Variants in LUZP2 observed in about 807,000 individuals in gnomAD.
The protein encoded by LUZP2 is leucine zipper protein 2.
A neutral mutation model predicts 51.6 loss-of-function variants in LUZP2; 52 were observed. The ratio of observed to expected loss-of-function variants is 1.01; its 90% CI spans 0.81 to 1.27. The LOEUF (loss-of-function observed/expected upper bound fraction) is 1.27. LUZP2 is among the 50% of genes most tolerant of loss of function. The pLI is 0.00. For missense variants in LUZP2, 436 were observed against 395.4 expected (o/e 1.10, Z -0.87); for synonymous variants, 154 against 137.3 (o/e 1.12, Z -0.85).
intron 9 of LUZP2, among the ~76,000 whole-genome samples, chr11:25,008,970 T>G (rs1471387563): frequency 6.6e-6 from 1 of 152,204 alleles, no homozygotes; most frequent in Non-Finnish European, 1.5e-5. Context: ...GGCTTTAAAT[T>G]GTCTTTGGCT....
At chr11:24,686,222 G>GC (rs1856892891) in intron 1 of LUZP2, among the ~76,000 whole-genome samples, 1 of 58,448 alleles carries the variant, frequency 1.7e-5, no homozygotes, top group Admixed American at 1.5e-4. Flanking sequence ...AGTGAACTCT[G>GC]CAAAAAAAAA....
intron 1 of LUZP2, among the ~76,000 whole-genome samples, chr11:24,553,691 A>C (rs549674212): frequency 2.1e-3 from 317 of 152,242 alleles, no homozygotes; most frequent in Middle Eastern, 6.8e-3. Context: ...GTTTTGTTAT[A>C]GACTAGAGAT....
intron 1 of LUZP2, among the ~76,000 whole-genome samples, chr11:24,539,728 T>A (rs1851296507): frequency 6.6e-6 from 1 of 152,054 alleles, no homozygotes; most frequent in South Asian, 2.1e-4. Context: ...CTACAATGCC[T>A]TTTAGCTGTT....
chr11:24,838,274 G>A (rs1175171453), intron 5 of LUZP2, among the ~76,000 whole-genome samples: 1 of 151,460 alleles, frequency 6.6e-6, no homozygotes. Context: ...ATGTTTTATG[G>A]CATCTAGTCT....
At position 24,556,392 on chromosome 11, in the gene LUZP2, A is replaced by C. The variant is rs12224064; in HGVS notation, c.62+59087A>C. On this transcript the variant is annotated intron_variant, in intron 1 of 11. Transcript: ENST00000336930. The stretch of plus-strand genomic sequence containing the variant: ...ATAGTTTCCCTCAAAGATCTGGTCC[A>C]GTGAGAGAATCTAGATTTACAAATA... Among the ~76,000 whole-genome samples, 18 of 152,314 alleles carry C rather than the reference A, an allele frequency of 1.2e-4. No homozygotes were observed. The East Asian group carries it at 2.9e-3, about 25-fold the overall frequency.
chr11:24,904,833 T>C (rs1305686111), intron 5 of LUZP2, among the ~76,000 whole-genome samples: 3 of 151,998 alleles, frequency 2.0e-5, no homozygotes, highest in Non-Finnish European at 1.5e-5. Flanking sequence ...TTAAATGGAC[T>C]AAAAAAAGAC....
chr11:24,986,097 A>G (rs1218488121), intron 9 of LUZP2, among the ~76,000 whole-genome samples: 1 of 151,706 alleles, frequency 6.6e-6, no homozygotes, highest in East Asian at 1.9e-4. Flanking sequence ...CTATTTTGCT[A>G]TTGCAAAAAA....
intron 1 of LUZP2, among the ~76,000 whole-genome samples, chr11:24,671,029 A>T (rs1156764119): frequency 6.6e-6 from 1 of 151,814 alleles, no homozygotes. Flanking sequence ...GTATATTTTT[A>T]TCCTAATGAG....
intron 5 of LUZP2, among the ~76,000 whole-genome samples, chr11:24,860,854 T>G (rs1851720511): frequency 6.6e-6 from 1 of 152,070 alleles, no homozygotes; most frequent in Admixed American, 6.6e-5. Context: ...TAAGACAGAA[T>G]CAATTTAAAA....
At chr11:25,034,009 C>G (rs1161504360) in intron 9 of LUZP2, among the ~76,000 whole-genome samples, 1 of 152,096 alleles carries the variant, frequency 6.6e-6, no homozygotes, top group Non-Finnish European at 1.5e-5. Context: ...CTCCAGACTC[C>G]TTTCCACAGC....
intron 5 of LUZP2, among the ~76,000 whole-genome samples, chr11:24,780,273 G>A (rs1849051220): frequency 6.6e-6 from 1 of 151,976 alleles, no homozygotes; most frequent in East Asian, 1.9e-4. Context: ...TTGACCATTG[G>A]ATAGAATTTA....
Position 24,705,599 on chromosome 11 carries a change from T to C in LUZP2, c.63-23570T>C, listed in dbSNP as rs561404527. ...AGCAATTTGGTGGCAGAAGATGACA[T>C]GTGAATTTCCCAGGCTTCAGAACAG... On this transcript the variant is annotated intron_variant, in intron 1 of 11. Transcript: ENST00000336930. Among the ~76,000 whole-genome samples the C allele has an allele frequency of 3.9e-5, 6 of 152,272 alleles. No individual in the cohort carries two copies. In the South Asian group the frequency reaches 1.0e-3, roughly 26 times the overall value.
chr11:24,675,819 A>G (rs867927622), intron 1 of LUZP2, among the ~76,000 whole-genome samples: 1 of 99,584 alleles, frequency 1.0e-5, no homozygotes, highest in African/African-American at 3.3e-5. Context: ...TTATTTATTT[A>G]TTTATTTATT....
chr11:24,879,962 G>T (rs1162260787), intron 5 of LUZP2, among the ~76,000 whole-genome samples: 1 of 152,176 alleles, frequency 6.6e-6, no homozygotes, highest in Non-Finnish European at 1.5e-5. Context: ...ACCCCAGCTG[G>T]TGTCTCAGTA....
chr11:24,849,079 AT>A (rs1393238535), intron 5 of LUZP2, among the ~76,000 whole-genome samples: 1 of 152,016 alleles, frequency 6.6e-6, no homozygotes, highest in African/African-American at 2.4e-5. Context: ...GCATTTTTTC[AT>A]TTAAAAATAT....
chr11:24,950,204 T>C (rs962445628), intron 7 of LUZP2, among the ~76,000 whole-genome samples: 2 of 151,240 alleles, frequency 1.3e-5, no homozygotes, highest in African/African-American at 2.4e-5. Flanking sequence ...AGGAGCTAGA[T>C]TGATGAATGG....
rs1289965203 is a variant in LUZP2 at position 25,079,929 on chromosome 11, T to A, written c.*1271T>A. The stretch of plus-strand genomic sequence containing the variant: ...TAATAAAAATGTATTAAAGGAAATC[T>A]TTAATCAATAAATGAACTTAGATTC... On this transcript the variant is annotated 3_prime_UTR_variant, in exon 12 of 12. Transcript: ENST00000336930. The A allele has an allele frequency of 6.6e-6, 1 of 152,158 alleles. No homozygotes were observed. The highest frequency in any genetic ancestry group is 1.9e-4 in the East Asian group (1 of 5,188). The allele number at this position is 152,158 out of a possible 1,614,324, so 9.4% of individuals were successfully genotyped here.
At chr11:24,912,702 C>G (rs1279703112) in intron 6 of LUZP2, among the ~76,000 whole-genome samples, 1 of 152,084 alleles carries the variant, frequency 6.6e-6, no homozygotes, top group Non-Finnish European at 1.5e-5. Flanking sequence ...CCCAGCTACT[C>G]AGGAGGCTGA....
chr11:24,947,778 A>G (rs1018048407), intron 7 of LUZP2, among the ~76,000 whole-genome samples: 3 of 151,740 alleles, frequency 2.0e-5, no homozygotes, highest in Non-Finnish European at 4.4e-5. Context: ...GAATATTTTA[A>G]CACACTACTT....
Sources: allele counts gnomAD v4.1 joint callset (sites outside exome capture counted in the v4.1 genomes callset), GRCh38; gene constraint gnomAD v4.1.1; transcripts MANE v1.5; gene names NCBI Gene and HGNC (gene_info 2026-07-23, HGNC 2026-07-21).